The following C5orf58 variants were observed in gnomAD, a reference collection of about 807,000 sequenced individuals.
C5orf58 encodes putative uncharacterized protein C5orf58.
C5orf58 carries 2 observed loss-of-function variants against 2.9 expected under a neutral mutation model. The observed-to-expected ratio is 0.69, with a 90% CI of 0.28 to 2.18. C5orf58 has a LOEUF of 2.18. C5orf58 is among the 30% of genes most tolerant of loss of function. The pLI is 0.13. For missense variants in C5orf58, 96 were observed against 91.7 expected, an observed-to-expected ratio of 1.05 and a Z score of -0.19; for synonymous variants, 37 against 33.4, an observed-to-expected ratio of 1.11 and a Z score of -0.37.
chr5:170,238,777 G>GA (rs1046987936), intron 3 of C5orf58, among the ~76,000 whole-genome samples: 41 of 152,072 alleles, frequency 2.7e-4, no homozygotes, highest in Non-Finnish European at 5.1e-4. Flanking sequence ...TTGGAAATCT[G>GA]AAAAAAATAT....
intron 3 of C5orf58, among the ~76,000 whole-genome samples, chr5:170,245,246 C>G (rs1463962273): frequency 6.6e-6 from 1 of 152,348 alleles, no homozygotes; most frequent in Non-Finnish European, 1.5e-5. Flanking sequence ...GCCCTGCCCC[C>G]AGAGGTGGAG....
At chr5:170,250,167 A>C (rs1359836972), downstream of C5orf58, among the ~76,000 whole-genome samples, 1 of 152,172 alleles carries the variant, frequency 6.6e-6, no homozygotes, top group East Asian at 1.9e-4. Context: ...TTCCTTTGCG[A>C]AAAACTAGCC....
chr5:170,233,155 G>T (rs3747710), intron 1 of C5orf58, 148 bp downstream of exon 1: 8,910 of 189,510 alleles, frequency 0.047, 761 homozygotes, highest in African/African-American at 0.19. Flanking sequence ...GCCTCTCCCT[G>T]GGTGTCGGTT....
At chr5:170,251,830 C>T (rs749065780) in exon 3 of C5orf58, 42 of 326,404 alleles carry the variant, frequency 1.3e-4, no homozygotes, top group African/African-American at 5.1e-4. Flanking sequence ...AAAAGTTCTC[C>T]GGGTGATCTA....
At chr5:170,234,728 C>A (rs942579116) in intron 2 of C5orf58, among the ~76,000 whole-genome samples, 1 of 152,190 alleles carries the variant, frequency 6.6e-6, no homozygotes, top group African/African-American at 2.4e-5. Flanking sequence ...ATTGTAAGCC[C>A]TATCTTGTGG....
chr5:170,238,729 A>G lies in C5orf58; in HGVS notation c.94+3659A>G, dbSNP rs368443942. 4.6e-5 allele frequency among the ~76,000 whole-genome samples: 7 copies of G among 152,354 alleles called. 1 individual carries two copies. Among genetic ancestry groups the G allele is most frequent in the East Asian group, 3.9e-4 (2 of 5,190 alleles). ...CATATGAAAGTTCTCATATGACTCC[A>G]GCTTCACTGGAACCTAGAAGACAAT... On this transcript the variant is annotated intron_variant, in intron 3 of 3. Transcript: ENST00000593851.
intron 3 of C5orf58, among the ~76,000 whole-genome samples, chr5:170,235,988 A>T (rs1341743965): frequency 6.6e-6 from 1 of 152,034 alleles, no homozygotes; most frequent in Non-Finnish European, 1.5e-5. Flanking sequence ...ACCCCTCATG[A>T]TCATTACCTT....
At chr5:170,245,938 T>C in intron 3 of C5orf58, 24 bp from the exon 4 acceptor site, 2 of 1,600,666 alleles carry the variant, frequency 1.2e-6, no homozygotes, top group Non-Finnish European at 1.7e-6. Context: ...TACAATATAA[T>C]ATCTCCTGTT....
chr5:170,247,480 G>C (rs537087432), downstream of C5orf58: 86 of 152,326 alleles, frequency 5.6e-4, no homozygotes, highest in African/African-American at 2.0e-3. Flanking sequence ...AGATTAAGCA[G>C]AGACGCCAAA....
At chr5:170,251,511 T>G (rs1761442328) in intron 2 of C5orf58, 2 of 339,764 alleles carry the variant, frequency 5.9e-6, no homozygotes, top group South Asian at 2.3e-5. Flanking sequence ...ATTAATACTG[T>G]AAAGATCTAA....
chr5:170,247,715 A>G (rs925393593), downstream of C5orf58: 1 of 152,228 alleles, frequency 6.6e-6, no homozygotes, highest in Admixed American at 6.5e-5. Context: ...TTTATGGCAG[A>G]GCTGTCAGGG....
At chr5:170,234,061 G>A (rs778767168) in intron 1 of C5orf58, 54 bp from the exon 2 acceptor site, 2 of 1,079,086 alleles carry the variant, frequency 1.9e-6, no homozygotes, top group Non-Finnish European at 2.6e-6. Context: ...GGAGAATGGG[G>A]TCTTGGGGGT....
intron 3 of C5orf58, among the ~76,000 whole-genome samples, chr5:170,238,962 T>A (rs914021242): frequency 2.0e-5 from 3 of 152,120 alleles, no homozygotes; most frequent in African/African-American, 7.2e-5. Flanking sequence ...CTCCACAGAA[T>A]GGAGGGATAA....
chr5:170,245,630 C>A (rs1357587742), intron 3 of C5orf58, among the ~76,000 whole-genome samples: 1 of 152,252 alleles, frequency 6.6e-6, no homozygotes, highest in African/African-American at 2.4e-5. Flanking sequence ...CCTGCTTCGG[C>A]TCGCACACCG....
At chr5:170,240,404 T>C (rs1364190609) in intron 3 of C5orf58, among the ~76,000 whole-genome samples, 2 of 146,610 alleles carry the variant, frequency 1.4e-5, no homozygotes, top group Non-Finnish European at 1.5e-5. Flanking sequence ...AGTGTAAAAG[T>C]GTTCCTATTT....
chr5:170,234,165 T>C lies in C5orf58; in HGVS notation c.-34T>C. 7.3e-7 allele frequency: 1 copy of C among 1,367,644 alleles called. No homozygotes were observed. The highest frequency in any genetic ancestry group is 9.8e-7 in the Non-Finnish European group (1 of 1,021,806). 84.7% of individuals were successfully genotyped at this position (1,367,644 alleles called of 1,614,324 possible). A position where few individuals can be genotyped will look rare whatever the true frequency, so the allele number is the denominator to read the frequency against. ...GAGAAATTGCAGAAATTCTCCCTGC[T>C]CAGGAAAAGGTAGAGGCAAGGATTG... On this transcript the variant is annotated 5_prime_UTR_variant, in exon 2 of 4. Transcript: ENST00000593851.
chr5:170,235,147 G>T, intron 3 of C5orf58, 77 bp downstream of exon 3: 1 of 757,234 alleles, frequency 1.3e-6, no homozygotes, highest in African/African-American at 1.8e-5. Context: ...GTTTCTGCTG[G>T]GGTATAAGTA....
intron 3 of C5orf58, among the ~76,000 whole-genome samples, chr5:170,236,798 G>A (rs1441312495): frequency 1.3e-5 from 2 of 152,146 alleles, no homozygotes; most frequent in Admixed American, 6.5e-5. Context: ...AGTAGTCAAG[G>A]TCTCTTACAA....
Position 170,246,177 on chromosome 5 carries a change from T to G in C5orf58, c.*64T>G. On this transcript the variant is annotated 3_prime_UTR_variant, in exon 4 of 4. Transcript: ENST00000593851. ...TAACAAATATTTGGGAGAGTTGAGT[T>G]TACTAATTTGTATATATATAATTTA... 3.0e-6 allele frequency: 4 copies of G among 1,342,786 alleles called. No individual in the cohort carries two copies. Among genetic ancestry groups the G allele is most frequent in the African/African-American group, 2.9e-5 (2 of 68,188 alleles). 83.2% of individuals were successfully genotyped at this position (1,342,786 alleles called of 1,614,324 possible).
Sources: gnomAD v4.1 joint callset for allele counts (sites outside exome capture counted in the v4.1 genomes callset) on GRCh38, gnomAD v4.1.1 for gene constraint, MANE v1.5 for transcripts, NCBI Gene and HGNC (gene_info 2026-07-23, HGNC 2026-07-21) for gene names.